GLI3: variants seen among roughly 807,000 people sequenced by gnomAD.
GLI3 encodes transcription activator GLI3.
In GLI3, 20 loss-of-function variants were observed where a neutral mutation model predicts 100.8. The observed-to-expected ratio is 0.20, with a 90% CI of 0.14 to 0.29. The LOEUF is 0.29. Ranked by LOEUF, GLI3 falls within the 10% of genes least tolerant of loss-of-function variation. The pLI, the probability that GLI3 is intolerant of heterozygous loss-of-function variation, is 1.00. For missense variants in GLI3, 2,040 were observed against 2,128.5 expected, an observed-to-expected ratio of 0.96 and a Z score of 0.82; for synonymous variants, 938 against 860.5, an observed-to-expected ratio of 1.09 and a Z score of -1.58.
At position 42,088,891 on chromosome 7, in the gene GLI3, C is replaced by T. The variant is rs903908134; in HGVS notation, c.368-12034G>A. On this transcript the variant is annotated intron_variant, in intron 3 of 14. Coordinates refer to ENST00000395925, the MANE Select transcript of GLI3 (RefSeq NM_000168.6). Reference sequence around the variant, plus strand: ...GGCCTCAAGCTCTCTTGCGCACTTCCGCTTCTGCAGCCTCAGTGGTGATCT... The same window carrying T: ...GGCCTCAAGCTCTCTTGCGCACTTCTGCTTCTGCAGCCTCAGTGGTGATCT... 7.2e-5 allele frequency among the ~76,000 whole-genome samples: 11 copies of T among 152,180 alleles called. 1 individual carries two copies. The highest frequency in any genetic ancestry group is 2.1e-4 in the South Asian group (1 of 4,830).
chr7:42,132,254 C>T (rs1165486442), intron 3 of GLI3, among the ~76,000 whole-genome samples: 1 of 151,384 alleles, frequency 6.6e-6, no homozygotes, highest in Non-Finnish European at 1.5e-5. Flanking sequence ...GCGCCCGCCA[C>T]TACGCCCGGC....
intron 2 of GLI3, among the ~76,000 whole-genome samples, chr7:42,159,029 C>A (rs1779659200): frequency 1.3e-5 from 2 of 152,188 alleles, no homozygotes; most frequent in Non-Finnish European, 2.9e-5. Flanking sequence ...AATGACACCT[C>A]TCATGCTGTG....
intron 2 of GLI3, among the ~76,000 whole-genome samples, chr7:42,200,430 G>A (rs534226839): frequency 2.2e-4 from 34 of 152,100 alleles, no homozygotes; most frequent in African/African-American, 6.8e-4. Flanking sequence ...AAGTACTTGC[G>A]GAAGAAGAAT....
intron 2 of GLI3, among the ~76,000 whole-genome samples, chr7:42,150,666 C>A (rs1175713648): frequency 6.6e-6 from 1 of 152,162 alleles, no homozygotes; most frequent in African/African-American, 2.4e-5. Flanking sequence ...GATGAATAAC[C>A]AAACTCGGCT....
chr7:42,091,987 C>T (rs894394638), intron 3 of GLI3, among the ~76,000 whole-genome samples: 2 of 152,236 alleles, frequency 1.3e-5, no homozygotes, highest in Non-Finnish European at 1.5e-5. Context: ...TGAGGGGAAC[C>T]AAGCTGGGCC....
chr7:42,209,756 C>G (rs1290015846), intron 2 of GLI3, among the ~76,000 whole-genome samples: 2 of 151,366 alleles, frequency 1.3e-5, no homozygotes, highest in African/African-American at 4.8e-5. Flanking sequence ...ACTATGTGAT[C>G]ACATCATGTT....
At chr7:42,137,526 T>G (rs2128780631) in intron 3 of GLI3, among the ~76,000 whole-genome samples, 1 of 152,228 alleles carries the variant, frequency 6.6e-6, no homozygotes, top group South Asian at 2.1e-4. Context: ...CTTTTTTTAT[T>G]CAGTTATTCT....
At chr7:42,124,797 C>G (rs1786086055) in intron 3 of GLI3, among the ~76,000 whole-genome samples, 1 of 152,172 alleles carries the variant, frequency 6.6e-6, no homozygotes, top group African/African-American at 2.4e-5. Context: ...GCCATTGGTG[C>G]TGCTGTGTGT....
intron 5 of GLI3, among the ~76,000 whole-genome samples, chr7:42,046,240 GTGGCC>G (rs1784242489): frequency 6.6e-6 from 1 of 152,152 alleles, no homozygotes; most frequent in South Asian, 2.1e-4. Context: ...AGTTCTGAGG[GTGGCC>G]TCCAGACTCA....
At chr7:42,239,068 G>C (rs115592646), upstream of GLI3, among the ~76,000 whole-genome samples, 641 of 152,384 alleles carry the variant, frequency 4.2e-3, 3 homozygotes, top group African/African-American at 0.014. Context: ...CAAGTGCAGA[G>C]ACAGACTTAA....
chr7:42,262,663 A>C (rs1004493644), intron 1 of GLI3, among the ~76,000 whole-genome samples: 1 of 152,208 alleles, frequency 6.6e-6, no homozygotes, highest in African/African-American at 2.4e-5. Flanking sequence ...TCTATAAATA[A>C]TGACAGTGCA....
chr7:42,082,510 C>T (rs1001924066), intron 3 of GLI3, among the ~76,000 whole-genome samples: 16 of 152,116 alleles, frequency 1.1e-4, no homozygotes, highest in African/African-American at 3.9e-4. Flanking sequence ...CATGATCTAC[C>T]GTGAGCGGAA....
At chr7:42,168,003 T>C (rs1426509259) in intron 2 of GLI3, among the ~76,000 whole-genome samples, 4 of 152,188 alleles carry the variant, frequency 2.6e-5, no homozygotes, top group African/African-American at 4.8e-5. Flanking sequence ...CCTAGGAAGG[T>C]TGCTTATAAG....
At chr7:42,028,770 A>AAATAATAATAAT (rs147616149) in intron 7 of GLI3, among the ~76,000 whole-genome samples, 1 of 146,040 alleles carries the variant, frequency 6.8e-6, no homozygotes, top group African/African-American at 2.5e-5. Context: ...TCTCAAAAAT[A>AAATAATAATAAT]AATAATAATA....
intron 10 of GLI3, among the ~76,000 whole-genome samples, chr7:42,000,031 C>G (rs999006205): frequency 6.6e-6 from 1 of 152,214 alleles, no homozygotes; most frequent in Admixed American, 6.5e-5. Context: ...CTTCGTCCTG[C>G]AGGGCTGAAT....
chr7:42,034,804 G>T (rs1345721178), intron 7 of GLI3, among the ~76,000 whole-genome samples: 1 of 151,936 alleles, frequency 6.6e-6, no homozygotes, highest in Non-Finnish European at 1.5e-5. Context: ...TTGCTCCTTT[G>T]TTCATTCATT....
At chr7:42,199,837 C>T (rs1225697475) in intron 2 of GLI3, among the ~76,000 whole-genome samples, 2 of 152,186 alleles carry the variant, frequency 1.3e-5, no homozygotes, top group African/African-American at 2.4e-5. Context: ...AGGCGGATCA[C>T]ATAAGGTCAG....
At position 42,229,753 on chromosome 7, in the gene GLI3, A is replaced by T. The variant is rs550240675; in HGVS notation, c.-42-6458T>A. Among the ~76,000 whole-genome samples the T allele has an allele frequency of 3.3e-5, 5 of 152,308 alleles. No individual in the cohort carries two copies. In the South Asian group the frequency reaches 1.0e-3, roughly 32 times the overall value. On this transcript the variant is annotated intron_variant, in intron 1 of 14. Transcript: ENST00000395925. The stretch of plus-strand genomic sequence containing the variant: ...TTAATAACCCATTTCTCAAAAATAA[A>T]TAAATCCTTTAGAAAGAGAATTTTT...
At chr7:42,235,762 C>T (rs973071675) in intron 1 of GLI3, among the ~76,000 whole-genome samples, 1 of 152,196 alleles carries the variant, frequency 6.6e-6, no homozygotes, top group African/African-American at 2.4e-5. Flanking sequence ...CTAAAGGGTT[C>T]TTTGACTTGG....
Sources: allele counts gnomAD v4.1 joint callset (sites outside exome capture counted in the v4.1 genomes callset), GRCh38; gene constraint gnomAD v4.1.1; transcripts MANE v1.5; gene names NCBI Gene and HGNC (gene_info 2026-07-23, HGNC 2026-07-21).